SIRT1: variants seen among roughly 807,000 people sequenced by gnomAD.
SIRT1 encodes NAD-dependent protein deacetylase sirtuin-1.
In SIRT1, 24 loss-of-function variants were observed where a neutral mutation model predicts 67.9. That is an observed-to-expected ratio of 0.35 (90% CI 0.26 to 0.50). The LOEUF (loss-of-function observed/expected upper bound fraction) is 0.50. Among genes scored for constraint, SIRT1 ranks in the 20% least tolerant of loss-of-function variants. The pLI is 0.98. For synonymous variants in SIRT1, 378 were observed against 350.7 expected (o/e 1.08, Z -0.87); for missense variants, 873 against 937.2 (o/e 0.93, Z 0.89).
intron 4 of SIRT1, among the ~76,000 whole-genome samples, chr10:67,904,347 G>A (rs1842789661): frequency 6.6e-6 from 1 of 151,210 alleles, no homozygotes; most frequent in Non-Finnish European, 1.5e-5. Flanking sequence ...ATGTTGCCCA[G>A]GCTGGTCTCG....
rs913135320 is a variant in SIRT1 at position 67,885,022 on chromosome 10, G to A, written c.301G>A (p.Gly101Arg). The part of the protein sequence containing the change: ...EAQATAAAGE[G>R]DNGPGLQGPS... ...CCAGGCGACTGCGGCGGCTGGGGAA[G>A]GAGACAATGGGCCGGGCCTGCAGGG... The change falls in exon 1 of 9, where the codon GGA (glycine) becomes AGA (arginine). Residue 101 changes from glycine to arginine, a missense_variant. By Grantham distance (125) the Gly-to-Arg change is moderately radical. Around this residue, in one of 3 missense-constraint regions of SIRT1, gnomAD observed 327 missense variants for 283.9 expected, o/e 1.15. Coordinates refer to ENST00000212015, the MANE Select transcript of SIRT1 (RefSeq NM_012238.5). 68 of 1,341,648 alleles carry A rather than the reference G, an allele frequency of 5.1e-5. No homozygotes were observed. Among genetic ancestry groups the A allele is most frequent in the Admixed American group, 1.8e-4 (5 of 27,430 alleles). 83.1% of individuals were successfully genotyped at this position (1,341,648 alleles called of 1,614,324 possible).
At chr10:67,903,951 G>C (rs1330366432) in intron 4 of SIRT1, among the ~76,000 whole-genome samples, 1 of 152,034 alleles carries the variant, frequency 6.6e-6, no homozygotes, top group African/African-American at 2.4e-5. Flanking sequence ...GTTTGGAATA[G>C]GACTAAGCAT....
Position 67,884,730 on chromosome 10 carries a change from C to A in SIRT1, c.9C>A (p.Asp3Glu), listed in dbSNP as rs35671182. The change falls in exon 1 of 9, where the codon GAC becomes GAA. Residue 3 changes from aspartate (D) to glutamate (E), a missense_variant. By Grantham distance (45) the Asp-to-Glu change is conservative (BLOSUM62 2). Coordinates refer to ENST00000212015, the MANE Select transcript of SIRT1 (RefSeq NM_012238.5). MA[D>E]EAALALQPGG... The stretch of plus-strand genomic sequence containing the variant: ...AGAGAGGCAGTTGGAAGATGGCGGA[C>A]GAGGCGGCCCTCGCCCTTCAGCCCG... The A allele has an allele frequency of 2.4e-6, 3 of 1,228,764 alleles. No homozygotes were observed. The African/African-American group carries it at 4.7e-5, about 19-fold the overall frequency. The allele number at this position is 1,228,764 out of a possible 1,614,324, so 76.1% of individuals were successfully genotyped here.
Position 67,912,921 on chromosome 10 carries a change from A to C in SIRT1, c.1805A>C (p.Asn602Thr). ...AEQMENPDLK[N>T]VGSSTGEKNE... The stretch of plus-strand genomic sequence containing the variant: ...CAGATGGAAAATCCGGATTTGAAGA[A>C]TGTTGGTTCTAGTACTGGGGAGAAA... The change falls in exon 8 of 9, where the codon AAT becomes ACT. Residue 602 changes from asparagine (N) to threonine (T), a missense_variant. Transcript: ENST00000212015. The C allele has an allele frequency of 6.2e-7, 1 of 1,614,178 alleles. No homozygotes were observed. The highest frequency in any genetic ancestry group is 8.5e-7 in the Non-Finnish European group (1 of 1,180,036).
intron 3 of SIRT1, among the ~76,000 whole-genome samples, chr10:67,890,613 G>T (rs1842554564): frequency 6.6e-6 from 1 of 152,042 alleles, no homozygotes; most frequent in African/African-American, 2.4e-5. Flanking sequence ...CGTACTTGTA[G>T]TCCCAGCTGC....
At chr10:67,887,686 C>T (rs1842507202) in intron 2 of SIRT1, among the ~76,000 whole-genome samples, 153 bp downstream of exon 2, 1 of 152,236 alleles carries the variant, frequency 6.6e-6, no homozygotes, top group Admixed American at 6.5e-5. Context: ...AAGCGATTCT[C>T]CTGCCTCAGC....
In SIRT1 at chr10:67,915,996, A is replaced by T. The variant is rs180686848; in HGVS notation, c.1916-269A>T. On this transcript the variant is annotated intron_variant, in intron 8 of 8. Coordinates refer to ENST00000212015, the MANE Select transcript of SIRT1 (RefSeq NM_012238.5). The stretch of plus-strand genomic sequence containing the variant: ...TAAGTGTATTGCTTGTATTTATTTA[A>T]TTAATTAATTTTTAAGAGACAGGGC... Among the ~76,000 whole-genome samples, 437 of 152,232 alleles carry T rather than the reference A, an allele frequency of 2.9e-3. 4 individuals are homozygous for T. Among genetic ancestry groups the T allele is most frequent in the Non-Finnish European group, 3.8e-3 (260 of 67,998 alleles).
intron 1 of SIRT1, chr10:67,885,387 C>G: frequency 8.1e-7 from 1 of 1,230,420 alleles, no homozygotes; most frequent in Non-Finnish European, 1.0e-6. Context: ...CTTGTTCTTT[C>G]CGCAGCAGCC....
chr10:67,889,255 A>G, intron 3 of SIRT1, 132 bp downstream of exon 3: 4 of 1,003,602 alleles, frequency 4.0e-6, no homozygotes, highest in Non-Finnish European at 5.7e-6. Context: ...CCAAAAACTG[A>G]GTGCAGCAGC....
At chr10:67,886,381 C>G (rs970216209) in intron 1 of SIRT1, among the ~76,000 whole-genome samples, 2 of 151,764 alleles carry the variant, frequency 1.3e-5, no homozygotes, top group Admixed American at 1.3e-4. Context: ...TCTCTTGAGC[C>G]TAGGAGTTTC....
intron 4 of SIRT1, among the ~76,000 whole-genome samples, chr10:67,894,320 A>G (rs974292394): frequency 3.3e-5 from 5 of 152,252 alleles, no homozygotes; most frequent in Admixed American, 1.3e-4. Flanking sequence ...ATGGTCATCT[A>G]TATCTAGCTT....
chr10:67,897,484 C>G (rs971593798), intron 4 of SIRT1, among the ~76,000 whole-genome samples: 12 of 151,948 alleles, frequency 7.9e-5, no homozygotes, highest in Non-Finnish European at 1.5e-4. Flanking sequence ...TCTGCCTTAG[C>G]CTGCTGAGTA....
At chr10:67,912,448 AAC>A (rs1842914412) in intron 7 of SIRT1, 24 bp from the exon 8 acceptor site, 9 of 1,550,708 alleles carry the variant, frequency 5.8e-6, no homozygotes, top group Non-Finnish European at 7.8e-6. Flanking sequence ...CCCTTTTTCT[AAC>A]TCTTATTTTT....
At chr10:67,888,027 A>G (rs964287157) in intron 2 of SIRT1, among the ~76,000 whole-genome samples, 5 of 152,246 alleles carry the variant, frequency 3.3e-5, no homozygotes, top group Non-Finnish European at 5.9e-5. Flanking sequence ...TTCCTGGTCT[A>G]GAATATAAGT....
In SIRT1 at chr10:67,916,676, C is replaced by A. The variant is rs200896218; in HGVS notation, c.*83C>A. 6.1e-6 allele frequency: 7 copies of A among 1,140,196 alleles called. No individual in the cohort carries two copies. The highest frequency in any genetic ancestry group is 8.6e-6 in the Non-Finnish European group (7 of 816,184). The allele number at this position is 1,140,196 out of a possible 1,614,324, so 70.6% of individuals were successfully genotyped here. ...CAAAATGAATGTTTACTTGTGAACTCGATAGAGCAAGGAAACCAGAAAGGT... is the reference window on the plus strand; with the variant it reads ...CAAAATGAATGTTTACTTGTGAACTAGATAGAGCAAGGAAACCAGAAAGGT... On this transcript the variant is annotated 3_prime_UTR_variant, in exon 9 of 9. Transcript: ENST00000212015.
chr10:67,889,139 A>C lies in SIRT1; in HGVS notation c.789+16A>C. ...TGGAGCTGGGGTATGTAAGACTAGTACATGGGGAGGTCGTATATGTATTTT... is the reference window on the plus strand; with the variant it reads ...TGGAGCTGGGGTATGTAAGACTAGTCCATGGGGAGGTCGTATATGTATTTT... On this transcript the variant is annotated intron_variant, in intron 3 of 8. Coordinates refer to ENST00000212015, the MANE Select transcript of SIRT1 (RefSeq NM_012238.5). 1 of 1,579,092 alleles carries C rather than the reference A, an allele frequency of 6.3e-7. No homozygotes were observed. The highest frequency in any genetic ancestry group is 1.8e-5 in the Admixed American group (1 of 55,306).
intron 1 of SIRT1, 42 bp downstream of exon 1, chr10:67,885,193 C>G (rs981288336): frequency 1.5e-6 from 2 of 1,303,890 alleles, no homozygotes; most frequent in Non-Finnish European, 2.0e-6. Flanking sequence ...ATCTCCTCCT[C>G]CCTCTCCCCG....
chr10:67,892,359 C>T (rs1306398625), intron 4 of SIRT1, among the ~76,000 whole-genome samples: 2 of 151,944 alleles, frequency 1.3e-5, no homozygotes, highest in South Asian at 2.1e-4. Flanking sequence ...TCAGTTGAGC[C>T]CAGGAGTTTG....
At position 67,917,517 on chromosome 10, in the gene SIRT1, A is replaced by C. The variant is rs1043696375; in HGVS notation, c.*924A>C. 6.6e-5 allele frequency: 10 copies of C among 152,612 alleles called. No homozygotes were observed. The highest frequency in any genetic ancestry group is 2.4e-4 in the African/African-American group (10 of 41,446). 9.5% of individuals were successfully genotyped at this position (152,612 alleles called of 1,614,324 possible). ...AATGTGAATATGCAAAGCCTTTCTGAATCTATAATAATGGTACTTCTACTG... is the reference window on the plus strand; with the variant it reads ...AATGTGAATATGCAAAGCCTTTCTGCATCTATAATAATGGTACTTCTACTG... On this transcript the variant is annotated 3_prime_UTR_variant, in exon 9 of 9. Transcript: ENST00000212015.
Sources: gnomAD v4.1 joint callset for allele counts (sites outside exome capture counted in the v4.1 genomes callset) on GRCh38, gnomAD v4.1.1 for gene constraint, gnomAD v4.1.1 regional missense constraint, MANE v1.5 for transcripts, NCBI Gene and HGNC (gene_info 2026-07-23, HGNC 2026-07-21) for gene names.